Variants in FSTL5 observed in about 807,000 individuals in gnomAD.
The protein encoded by FSTL5 is follistatin-related protein 5.
FSTL5 carries 62 observed loss-of-function variants against 89.1 expected under a neutral mutation model. That is an observed-to-expected ratio of 0.70 (90% CI 0.57 to 0.86). The LOEUF is 0.86. FSTL5 is among the 40% of genes least tolerant of loss of function. FSTL5 has a pLI of 0.00. For missense variants in FSTL5, 1,057 were observed against 1,001.6 expected (o/e 1.06, Z -0.75); for synonymous variants, 383 against 346.2 (o/e 1.11, Z -1.18).
At position 161,697,600 on chromosome 4, in the gene FSTL5, G is replaced by A. The variant is rs145333250; in HGVS notation, c.728-41106C>T. Among the ~76,000 whole-genome samples, 689 of 152,200 alleles carry A rather than the reference G, an allele frequency of 4.5e-3. 14 individuals carry two copies. Among genetic ancestry groups the A allele is most frequent in the Admixed American group, 0.038 (583 of 15,284 alleles). On this transcript the variant is annotated intron_variant, in intron 6 of 15. Transcript: ENST00000306100. Reference sequence around the variant, plus strand: ...ACAATAGGTAAGTTATAGAATCCACGTAAGTGCCGGCCAATGGACGAATTA... The same window carrying A: ...ACAATAGGTAAGTTATAGAATCCACATAAGTGCCGGCCAATGGACGAATTA...
At chr4:162,029,019 T>C (rs1737406055) in intron 3 of FSTL5, among the ~76,000 whole-genome samples, 1 of 152,124 alleles carries the variant, frequency 6.6e-6, no homozygotes. Context: ...GATATAAATA[T>C]ATGTCCCCGG....
chr4:161,553,804 G>C (rs1358557557), intron 8 of FSTL5, among the ~76,000 whole-genome samples: 2 of 151,438 alleles, frequency 1.3e-5, no homozygotes, highest in Non-Finnish European at 3.0e-5. Flanking sequence ...AAATAAATTA[G>C]TGCATTTATA....
At chr4:161,534,335 T>C (rs951408875) in intron 10 of FSTL5, among the ~76,000 whole-genome samples, 4 of 152,122 alleles carry the variant, frequency 2.6e-5, no homozygotes, top group East Asian at 3.9e-4. Context: ...AAAACCCTAA[T>C]GATGCTGCAA....
intron 4 of FSTL5, among the ~76,000 whole-genome samples, chr4:161,826,241 G>A (rs1730663597): frequency 6.6e-6 from 1 of 152,020 alleles, no homozygotes; most frequent in African/African-American, 2.4e-5. Flanking sequence ...TGGTCTGAGA[G>A]AGTAATATAA....
chr4:161,678,032 A>G (rs1288188482), intron 6 of FSTL5, among the ~76,000 whole-genome samples: 1 of 151,882 alleles, frequency 6.6e-6, no homozygotes, highest in African/African-American at 2.4e-5. Context: ...CTGCAATGGA[A>G]TGATGAAAAA....
intron 4 of FSTL5, among the ~76,000 whole-genome samples, chr4:161,849,158 G>C (rs1172589769): frequency 6.6e-6 from 1 of 151,974 alleles, no homozygotes; most frequent in Non-Finnish European, 1.5e-5. Flanking sequence ...AAATTTTCCT[G>C]GGCAAATCTT....
chr4:161,915,392 C>T (rs1733810726), intron 4 of FSTL5, among the ~76,000 whole-genome samples: 1 of 151,420 alleles, frequency 6.6e-6, no homozygotes, highest in Non-Finnish European at 1.5e-5. Flanking sequence ...TTGAATAGTC[C>T]TAATGTCTAA....
At chr4:161,490,941 C>G (rs577190157) in intron 12 of FSTL5, among the ~76,000 whole-genome samples, 1 of 149,690 alleles carries the variant, frequency 6.7e-6, no homozygotes, top group African/African-American at 2.5e-5. Flanking sequence ...TTAAAAAAAT[C>G]TTTTTAAATC....
At chr4:161,850,497 C>A (rs769183425) in intron 4 of FSTL5, among the ~76,000 whole-genome samples, 1 of 141,790 alleles carries the variant, frequency 7.1e-6, no homozygotes, top group Admixed American at 7.2e-5. Context: ...TGCAGGTGTG[C>A]GTATGCTGGG....
At chr4:161,498,726 C>A (rs1294839862) in intron 12 of FSTL5, among the ~76,000 whole-genome samples, 1 of 152,086 alleles carries the variant, frequency 6.6e-6, no homozygotes, top group Non-Finnish European at 1.5e-5. Context: ...CTACCTATAT[C>A]TGCATGTTAG....
intron 4 of FSTL5, among the ~76,000 whole-genome samples, chr4:161,826,163 T>C (rs761930013): frequency 2.5e-4 from 38 of 152,302 alleles, no homozygotes; most frequent in Admixed American, 5.2e-4. Context: ...AGCAGGTTAT[T>C]TAATTTCCAT....
At chr4:161,987,641 T>C (rs1736003883) in intron 3 of FSTL5, among the ~76,000 whole-genome samples, 2 of 148,078 alleles carry the variant, frequency 1.4e-5, no homozygotes, top group Non-Finnish European at 3.0e-5. Flanking sequence ...AAAGTATATA[T>C]ATATTTTATT....
At chr4:161,845,164 A>T (rs2126875284) in intron 4 of FSTL5, among the ~76,000 whole-genome samples, 1 of 152,326 alleles carries the variant, frequency 6.6e-6, no homozygotes, top group Non-Finnish European at 1.5e-5. Flanking sequence ...GAAACTTTTA[A>T]AATGTACTTT....
chr4:161,510,360 C>A, intron 11 of FSTL5, 38 bp downstream of exon 11: 2 of 1,355,446 alleles, frequency 1.5e-6, no homozygotes, highest in South Asian at 1.4e-5. Flanking sequence ...AATAATCAAG[C>A]AAAATTGTCA....
At chr4:162,113,544 G>A (rs931087421) in intron 1 of FSTL5, among the ~76,000 whole-genome samples, 16 of 152,058 alleles carry the variant, frequency 1.1e-4, no homozygotes, top group Admixed American at 4.6e-4. Context: ...ATATTTTCAC[G>A]TACTTTTAAG....
At chr4:162,059,759 TA>T (rs775728371) in intron 2 of FSTL5, among the ~76,000 whole-genome samples, 40 of 152,184 alleles carry the variant, frequency 2.6e-4, no homozygotes, top group Non-Finnish European at 3.2e-4. Flanking sequence ...ATGAAGGAGA[TA>T]GGGCAGGATC....
chr4:161,912,634 C>T (rs756876965), intron 4 of FSTL5, among the ~76,000 whole-genome samples: 13 of 152,144 alleles, frequency 8.5e-5, no homozygotes, highest in Non-Finnish European at 1.6e-4. Flanking sequence ...ATGTCTTCAT[C>T]AACAGCGTGA....
intron 4 of FSTL5, among the ~76,000 whole-genome samples, chr4:161,827,411 A>T (rs1403130128): frequency 2.0e-5 from 3 of 152,158 alleles, no homozygotes; most frequent in African/African-American, 7.2e-5. Context: ...TTATTGCACT[A>T]GTTTTGTGCT....
At chr4:161,717,486 C>T (rs545324292) in intron 6 of FSTL5, among the ~76,000 whole-genome samples, 8 of 152,236 alleles carry the variant, frequency 5.3e-5, no homozygotes, top group African/African-American at 1.9e-4. Context: ...AAAAATCATA[C>T]CCCTTGCATA....
Sources: allele counts gnomAD v4.1 joint callset (sites outside exome capture counted in the v4.1 genomes callset), GRCh38; gene constraint gnomAD v4.1.1; transcripts MANE v1.5; gene names NCBI Gene and HGNC (gene_info 2026-07-23, HGNC 2026-07-21).